The following KAZN variants were observed in gnomAD, a reference collection of about 807,000 sequenced individuals.
KAZN encodes the protein kazrin, periplakin interacting protein, also known as kazrin.
A neutral mutation model predicts 87.4 loss-of-function variants in KAZN; 40 were observed. The ratio of observed to expected loss-of-function variants is 0.46; its 90% CI spans 0.36 to 0.60. KAZN has a LOEUF of 0.60. Ranked by LOEUF, KAZN falls within the 20% of genes least tolerant of loss-of-function variation. KAZN has a pLI of 0.00. For synonymous variants in KAZN, 466 were observed against 458.3 expected (o/e 1.02, Z -0.22); for missense variants, 898 against 1,073.9 (o/e 0.84, Z 2.29).
At chr1:14,925,541 C>A (rs908516781) in intron 1 of KAZN, among the ~76,000 whole-genome samples, 1 of 152,116 alleles carries the variant, frequency 6.6e-6, no homozygotes, top group Admixed American at 6.6e-5. Context: ...CAGAAAAGCC[C>A]GGAGGTTAAG....
chr1:13,908,470 T>A (rs945044155), intron 1 of KAZN, among the ~76,000 whole-genome samples: 3 of 152,178 alleles, frequency 2.0e-5, no homozygotes, highest in African/African-American at 7.2e-5. Context: ...TTCCCCTGGG[T>A]CCTAAGTGTT....
chr1:14,710,825 G>T (rs1642446157), intron 1 of KAZN, among the ~76,000 whole-genome samples: 1 of 152,174 alleles, frequency 6.6e-6, no homozygotes, highest in South Asian at 2.1e-4. Context: ...TTGGTCTATT[G>T]TATGTTCTGC....
At chr1:14,210,718 C>G (rs931088673) in intron 2 of KAZN, among the ~76,000 whole-genome samples, 1 of 151,908 alleles carries the variant, frequency 6.6e-6, no homozygotes, top group African/African-American at 2.4e-5. Context: ...TATTTTAAAA[C>G]AATAATAATA....
chr1:15,092,052 G>GTTTTT (rs1182724737), intron 8 of KAZN, among the ~76,000 whole-genome samples: 3 of 82,648 alleles, frequency 3.6e-5, no homozygotes, highest in Middle Eastern at 7.7e-3. Flanking sequence ...CAGAGGTTTT[G>GTTTTT]TTTTTTTGTT....
intron 2 of KAZN, among the ~76,000 whole-genome samples, chr1:14,473,714 C>G (rs138885598): frequency 1.3e-5 from 2 of 152,012 alleles, no homozygotes; most frequent in African/African-American, 4.8e-5. Flanking sequence ...TAATCTCATT[C>G]TGTTCCACTT....
intron 2 of KAZN, among the ~76,000 whole-genome samples, chr1:14,496,215 C>CT (rs1438570357): frequency 6.6e-6 from 1 of 152,128 alleles, no homozygotes; most frequent in African/African-American, 2.4e-5. Context: ...CTGTAGTTTC[C>CT]ATATTTATAA....
chr1:14,058,263 C>T (rs1241629138), intron 1 of KAZN, among the ~76,000 whole-genome samples: 1 of 152,078 alleles, frequency 6.6e-6, no homozygotes, highest in Non-Finnish European at 1.5e-5. Context: ...CCTTCTTTAC[C>T]TTTAGTCTGA....
chr1:14,193,552 A>C (rs1342036742), intron 2 of KAZN, among the ~76,000 whole-genome samples: 1 of 152,124 alleles, frequency 6.6e-6, no homozygotes. Context: ...GTAAGACTGT[A>C]AATTGCTGTT....
chr1:15,064,017 C>T (rs1299786072), intron 7 of KAZN, among the ~76,000 whole-genome samples: 1 of 152,228 alleles, frequency 6.6e-6, no homozygotes, highest in African/African-American at 2.4e-5. Flanking sequence ...ACATGTCCTC[C>T]GTCCTGATGC....
chr1:14,500,065 AT>A (rs1670157544), intron 2 of KAZN, among the ~76,000 whole-genome samples: 1 of 152,224 alleles, frequency 6.6e-6, no homozygotes, highest in South Asian at 2.1e-4. Context: ...TCTTTATGTC[AT>A]TGTGTTTGTA....
intron 1 of KAZN, among the ~76,000 whole-genome samples, chr1:14,878,852 T>C (rs952098163): frequency 6.6e-6 from 1 of 152,196 alleles, no homozygotes; most frequent in Non-Finnish European, 1.5e-5. Context: ...GTCCATTGAA[T>C]ATTCATGAAC....
intron 1 of KAZN, among the ~76,000 whole-genome samples, chr1:14,701,813 G>A (rs1641936777): frequency 6.6e-6 from 1 of 152,072 alleles, no homozygotes; most frequent in Non-Finnish European, 1.5e-5. Context: ...AACAAACAAA[G>A]CCACAGGAAG....
At chr1:14,142,013 A>T (rs1645250372) in intron 1 of KAZN, among the ~76,000 whole-genome samples, 1 of 151,538 alleles carries the variant, frequency 6.6e-6, no homozygotes, top group Non-Finnish European at 1.5e-5. Context: ...TACATTTTTG[A>T]TGGGAAATCC....
At chr1:14,053,271 G>T (rs2092435) in intron 1 of KAZN, among the ~76,000 whole-genome samples, 34,555 of 152,096 alleles carry the variant, frequency 0.23, 4,191 homozygotes, top group African/African-American at 0.29. Flanking sequence ...ATGGAATTTT[G>T]CCAACAACCT....
Position 14,480,278 on chromosome 1 carries a change from G to A in KAZN, c.250-118705G>A, listed in dbSNP as rs114035051. ...CTTCTATAGGTCAGGTGGGCTCTGC[G>A]CATATGCAGGTAGCTACAGCCAACA... is the stretch of plus-strand genomic sequence containing the variant. On this transcript the variant is annotated intron_variant, in intron 2 of 16. Transcript: ENST00000636203. Among the ~76,000 whole-genome samples, 398 of 152,304 alleles carry A rather than the reference G, an allele frequency of 2.6e-3. 2 individuals are homozygous for A. The highest frequency in any genetic ancestry group is 9.2e-3 in the African/African-American group (381 of 41,566).
chr1:14,736,297 GTGTATA>G (rs1261149837), intron 1 of KAZN, among the ~76,000 whole-genome samples: 1 of 93,706 alleles, frequency 1.1e-5, no homozygotes. Flanking sequence ...GTGTGTGTGT[GTGTATA>G]TTTTTTTTTT....
chr1:14,937,211 C>T (rs994228236), intron 1 of KAZN, among the ~76,000 whole-genome samples: 1 of 152,236 alleles, frequency 6.6e-6, no homozygotes, highest in Admixed American at 6.5e-5. Context: ...CTCAGCAAGC[C>T]TGTGTCTATG....
chr1:14,493,360 G>T (rs1457915189), intron 2 of KAZN, among the ~76,000 whole-genome samples: 1 of 152,216 alleles, frequency 6.6e-6, no homozygotes, highest in Non-Finnish European at 1.5e-5. Flanking sequence ...TGGTTCTACA[G>T]AATGACTTGG....
At chr1:14,192,725 AAC>A (rs1355651310) in intron 2 of KAZN, among the ~76,000 whole-genome samples, 1 of 152,186 alleles carries the variant, frequency 6.6e-6, no homozygotes, top group Non-Finnish European at 1.5e-5. Context: ...AGTTATGCAG[AAC>A]ACAGTTTGCA....
Sources: gnomAD v4.1 joint callset for allele counts (sites outside exome capture counted in the v4.1 genomes callset) on GRCh38, gnomAD v4.1.1 for gene constraint, MANE v1.5 for transcripts, NCBI Gene and HGNC (gene_info 2026-07-23, HGNC 2026-07-21) for gene names.